Variants in TADA2A observed in about 807,000 individuals in gnomAD.
The protein encoded by TADA2A is transcriptional adapter 2-alpha.
A neutral mutation model predicts 67.4 loss-of-function variants in TADA2A; 38 were observed. The observed-to-expected ratio is 0.56, with a 90% CI of 0.44 to 0.74. The LOEUF (loss-of-function observed/expected upper bound fraction) is 0.74. TADA2A is among the 30% of genes least tolerant of loss of function. The pLI is 0.00. For synonymous variants in TADA2A, 192 were observed against 181.6 expected, an observed-to-expected ratio of 1.06 and a Z score of -0.46; for missense variants, 454 against 547.0, an observed-to-expected ratio of 0.83 and a Z score of 1.70.
chr17:37,445,125 A>G (rs554517622), intron 8 of TADA2A, among the ~76,000 whole-genome samples: 1 of 152,212 alleles, frequency 6.6e-6, no homozygotes, highest in Non-Finnish European at 1.5e-5. Context: ...AGCAACTGCT[A>G]TCACTAAATG....
chr17:37,468,210 T>G (rs1006023293), intron 12 of TADA2A, among the ~76,000 whole-genome samples: 3 of 152,214 alleles, frequency 2.0e-5, no homozygotes, highest in African/African-American at 7.2e-5. Context: ...CCCAGTTACT[T>G]GGGGTAGTGA....
chr17:37,408,990 T>C (rs1221959892), intron 1 of TADA2A, among the ~76,000 whole-genome samples: 1 of 152,244 alleles, frequency 6.6e-6, no homozygotes, highest in East Asian at 1.9e-4. Context: ...AATTAACATT[T>C]ATTAGTCCAC....
chr17:37,442,538 C>G (rs1363480290), intron 6 of TADA2A, 26 bp from the exon 7 acceptor site: 2 of 1,593,210 alleles, frequency 1.3e-6, no homozygotes, highest in Non-Finnish European at 1.7e-6. Context: ...TATTAGTTAA[C>G]TCAGAAACCT....
At position 37,444,717 on chromosome 17, in the gene TADA2A, T is replaced by C. The variant is rs1458840100; in HGVS notation, c.553T>C (p.Trp185Arg). 3 of 1,613,968 alleles carry C rather than the reference T, an allele frequency of 1.9e-6. No homozygotes were observed. The highest frequency in any genetic ancestry group is 1.7e-6 in the Non-Finnish European group (2 of 1,179,996). ...ACAGGAATTTGACAATTATGCAGAATGGGACTTGAGAGACATTGATTTTGT... is the reference window on the plus strand; with the variant it reads ...ACAGGAATTTGACAATTATGCAGAACGGGACTTGAGAGACATTGATTTTGT... ...FIEEFDNYAEWDLRDIDFVED... is the reference protein window; with the variant it reads ...FIEEFDNYAERDLRDIDFVED... Residue 185 changes from tryptophan (W) to arginine (R), a missense_variant, in exon 8 of 16, where the codon TGG becomes CGG. Physicochemically the swap from Trp to Arg is moderately radical, Grantham distance 101. Around this residue, in one of 2 missense-constraint regions of TADA2A, gnomAD observed 403 missense variants for 455.5 expected, o/e 0.88. Coordinates refer to ENST00000615182, the MANE Select transcript of TADA2A (RefSeq NM_001166105.3).
intron 4 of TADA2A, among the ~76,000 whole-genome samples, chr17:37,435,728 C>A (rs571553222): frequency 6.6e-6 from 1 of 152,096 alleles, no homozygotes; most frequent in Non-Finnish European, 1.5e-5. Flanking sequence ...CACAGGTGCG[C>A]GCCACCATGC....
At chr17:37,432,433 C>G (rs150205642) in intron 4 of TADA2A, among the ~76,000 whole-genome samples, 4 of 151,876 alleles carry the variant, frequency 2.6e-5, no homozygotes, top group African/African-American at 9.7e-5. Flanking sequence ...TCCCAGAGTG[C>G]TGGGATTACA....
intron 8 of TADA2A, chr17:37,454,508 T>A (rs1305477168): frequency 6.5e-6 from 1 of 153,396 alleles, no homozygotes. Flanking sequence ...TTGGCCAGGC[T>A]GGTCTTGAAT....
At chr17:37,474,797 AG>A (rs2053860151) in intron 15 of TADA2A, among the ~76,000 whole-genome samples, 168 bp downstream of exon 15, 1 of 152,210 alleles carries the variant, frequency 6.6e-6, no homozygotes, top group South Asian at 2.1e-4. Context: ...CGTTTGTGGC[AG>A]ATTTCAGAGA....
chr17:37,471,219 C>T (rs2053780213), intron 14 of TADA2A, 82 bp downstream of exon 14: 1 of 1,414,086 alleles, frequency 7.1e-7, no homozygotes, highest in South Asian at 1.2e-5. Context: ...ATCTTCCTTC[C>T]TCTGTGGTGT....
intron 8 of TADA2A, among the ~76,000 whole-genome samples, chr17:37,446,575 G>A (rs1429219893): frequency 1.3e-5 from 2 of 150,576 alleles, no homozygotes; most frequent in Admixed American, 6.6e-5. Flanking sequence ...ACCAGCCTGG[G>A]CAACACAGTG....
intron 8 of TADA2A, among the ~76,000 whole-genome samples, chr17:37,456,668 A>G (rs2053401215): frequency 6.6e-6 from 1 of 152,208 alleles, no homozygotes; most frequent in African/African-American, 2.4e-5. Context: ...TAAGTTTGCA[A>G]CTGAAGGGCA....
At chr17:37,459,697 A>G (rs1278453914) in intron 9 of TADA2A, among the ~76,000 whole-genome samples, 2 of 150,600 alleles carry the variant, frequency 1.3e-5, no homozygotes, top group African/African-American at 2.4e-5. Flanking sequence ...GGCTCAAACA[A>G]TCCTCCCACC....
intron 9 of TADA2A, among the ~76,000 whole-genome samples, chr17:37,459,528 C>T (rs1332129769): frequency 2.0e-5 from 3 of 151,494 alleles, no homozygotes; most frequent in African/African-American, 7.3e-5. Flanking sequence ...AGTGATCCAT[C>T]CCCCTCTGCC....
chr17:37,447,720 T>G (rs1343445439), intron 8 of TADA2A, among the ~76,000 whole-genome samples: 1 of 152,192 alleles, frequency 6.6e-6, no homozygotes, highest in East Asian at 1.9e-4. Context: ...CTCTGAGTCT[T>G]TACAGCAGCT....
intron 2 of TADA2A, among the ~76,000 whole-genome samples, chr17:37,418,539 T>C (rs1018436299): frequency 2.0e-5 from 3 of 152,092 alleles, no homozygotes; most frequent in African/African-American, 4.8e-5. Context: ...CATGAAAACA[T>C]GTCCGCAATT....
intron 9 of TADA2A, among the ~76,000 whole-genome samples, chr17:37,459,213 GATAAA>G (rs918081583): frequency 2.1e-4 from 31 of 150,674 alleles, no homozygotes; most frequent in South Asian, 2.1e-4. Context: ...AAAAGAACAA[GATAAA>G]ATAAAGGCAT....
chr17:37,450,863 G>A (rs1016783744), intron 8 of TADA2A, among the ~76,000 whole-genome samples: 3 of 152,208 alleles, frequency 2.0e-5, no homozygotes, highest in African/African-American at 7.2e-5. Flanking sequence ...AGTGTGCTCA[G>A]AGATAGCTTC....
intron 15 of TADA2A, 47 bp from the exon 16 acceptor site, chr17:37,476,749 AC>A (rs2053899816): frequency 6.4e-7 from 1 of 1,565,474 alleles, no homozygotes; most frequent in African/African-American, 1.4e-5. Context: ...GGATTAAATT[AC>A]AAAAATGACA....
At position 37,463,609 on chromosome 17, in the gene TADA2A, A is replaced by C. The variant is rs558946447; in HGVS notation, c.712+1488A>C. Among the ~76,000 whole-genome samples the C allele has an allele frequency of 3.9e-3, 595 of 152,056 alleles. 6 individuals carry two copies. Among genetic ancestry groups the C allele is most frequent in the Non-Finnish European group, 2.9e-3 (200 of 67,976 alleles). On this transcript the variant is annotated intron_variant, in intron 10 of 15. Transcript: ENST00000615182. ...AACAGAAAATCTATATTTTTTAAAA[A>C]TATAGCCATCATCATAAGTATGTTA...
Sources: allele counts gnomAD v4.1 joint callset (sites outside exome capture counted in the v4.1 genomes callset), GRCh38; gene constraint gnomAD v4.1.1; regional missense constraint gnomAD v4.1.1; transcripts MANE v1.5; gene names NCBI Gene and HGNC (gene_info 2026-07-23, HGNC 2026-07-21).